GALP: variants seen among roughly 807,000 people sequenced by gnomAD.
GALP encodes the protein galanin like peptide, also known as galanin-like peptide.
In GALP, 12 loss-of-function variants were observed where a neutral mutation model predicts 15.2. The ratio of observed to expected loss-of-function variants is 0.79; its 90% confidence interval spans 0.51 to 1.28. The LOEUF (loss-of-function observed/expected upper bound fraction) is 1.28. Among genes scored for constraint, GALP ranks in the 50% most tolerant of loss-of-function variants. The probability of loss-of-function intolerance (pLI) is 0.00; values close to 1 mark genes in which losing one functional copy is unlikely to be tolerated. For missense variants in GALP, 161 were observed against 145.6 expected, an observed-to-expected ratio of 1.11 and a Z score of -0.55; for synonymous variants, 58 against 55.1, an observed-to-expected ratio of 1.05 and a Z score of -0.23.
In GALP at chr19:56,177,064, T is replaced by C. The variant is rs2032476042; in HGVS notation, c.-39-6T>C. The C allele has an allele frequency of 6.8e-7, 1 of 1,469,922 alleles. No homozygotes were observed. The highest frequency in any genetic ancestry group is 9.5e-7 in the Non-Finnish European group (1 of 1,058,198). 91.1% of individuals were successfully genotyped at this position (1,469,922 alleles called of 1,614,324 possible). The stretch of plus-strand genomic sequence containing the variant: ...CGGAAAATGACTGGCCGCTCTCTCC[T>C]TGCAGCGTGTTCCGCAGCTGTAGGC... On this transcript the variant is annotated splice_region_variant and splice_polypyrimidine_tract_variant and intron_variant, in intron 1 of 5. Coordinates refer to ENST00000357330, the MANE Select transcript of GALP (RefSeq NM_033106.4).
intron 4 of GALP, 123 bp from the exon 5 acceptor site, chr19:56,183,012 C>G: frequency 1.5e-6 from 1 of 688,826 alleles, no homozygotes; most frequent in Non-Finnish European, 2.6e-6. Context: ...CCTCCTCCCC[C>G]TGCTCCACCC....
chr19:56,176,629 G>C (rs2032465563), intron 1 of GALP, among the ~76,000 whole-genome samples: 1 of 136,720 alleles, frequency 7.3e-6, no homozygotes, highest in Non-Finnish European at 1.6e-5. Context: ...GCCTAGGCCA[G>C]GAGGGCAGAG....
At chr19:56,179,878 T>G (rs756171079) in intron 2 of GALP, among the ~76,000 whole-genome samples, 1 of 152,142 alleles carries the variant, frequency 6.6e-6, no homozygotes, top group South Asian at 2.1e-4. Flanking sequence ...CCCCGCTCAC[T>G]GCAATCTCCA....
At position 56,177,144 on chromosome 19, in the gene GALP, C is replaced by T. The variant is rs766406024; in HGVS notation, c.36C>T (p.Leu12=). ...CCTCCGTCCCCCTGGTCCTCCTCCT[C>T]GTCCTCTTGCTGAGCCTGGCAGAGA... The part of the protein sequence containing the change: ...APPSVPLVLL[L]VLLLSLAETP... Residue 12 remains leucine, a synonymous_variant, in exon 2 of 6, where the codon CTC becomes CTT. Transcript: ENST00000357330. 3.7e-6 allele frequency: 6 copies of T among 1,613,626 alleles called. No individual in the cohort carries two copies. Among genetic ancestry groups the T allele is most frequent in the Middle Eastern group, 1.7e-4 (1 of 6,060 alleles).
chr19:56,182,389 G>A (rs539686997), intron 4 of GALP, 137 bp downstream of exon 4: 80 of 610,278 alleles, frequency 1.3e-4, no homozygotes, highest in African/African-American at 8.8e-4. Context: ...CAAGTGATGC[G>A]TTTCCTTCAA....
intron 2 of GALP, among the ~76,000 whole-genome samples, chr19:56,178,366 G>A (rs2032501694): frequency 6.6e-6 from 1 of 151,876 alleles, no homozygotes; most frequent in Admixed American, 6.6e-5. Flanking sequence ...GGGAGGCTGA[G>A]GCATGAGAAT....
At chr19:56,182,510 C>T (rs543138838) in intron 4 of GALP, among the ~76,000 whole-genome samples, 1 of 152,286 alleles carries the variant, frequency 6.6e-6, no homozygotes, top group Non-Finnish European at 1.5e-5. Context: ...CTGCATCAGA[C>T]CTCACAGAAT....
Position 56,185,296 on chromosome 19 carries a change from C to T in GALP, c.*26C>T. ...ATGTCTTCAAATCCCTGTTCCTATC[C>T]TTCTTCTCCAGCTCCTCCTGCTCCC... is the stretch of plus-strand genomic sequence containing the variant. On this transcript the variant is annotated 3_prime_UTR_variant, in exon 6 of 6. Transcript: ENST00000357330. The T allele has an allele frequency of 6.8e-7, 1 of 1,480,562 alleles. No homozygotes were observed. The highest frequency in any genetic ancestry group is 1.2e-5 in the South Asian group (1 of 85,902). 91.7% of individuals were successfully genotyped at this position (1,480,562 alleles called of 1,614,324 possible). A position where few individuals can be genotyped will look rare whatever the true frequency, so the allele number is the denominator to read the frequency against.
intron 3 of GALP, among the ~76,000 whole-genome samples, chr19:56,180,879 C>T (rs1422268468): frequency 6.0e-5 from 9 of 149,708 alleles, no homozygotes; most frequent in East Asian, 2.0e-4. Flanking sequence ...CTCTCTCTCT[C>T]GCTCTCTCAC....
At chr19:56,183,728 G>T (rs1233539370) in intron 5 of GALP, among the ~76,000 whole-genome samples, 2 of 152,160 alleles carry the variant, frequency 1.3e-5, no homozygotes, top group Non-Finnish European at 2.9e-5. Context: ...CTCCCGAGTA[G>T]CTGGGATTAC....
intron 5 of GALP, 28 bp downstream of exon 5, chr19:56,183,240 C>A: frequency 1.3e-6 from 2 of 1,544,826 alleles, no homozygotes; most frequent in Non-Finnish European, 1.8e-6. Context: ...AGAAGAGAGA[C>A]ACCGACAGGA....
intron 1 of GALP, 128 bp downstream of exon 1, chr19:56,176,190 G>A (rs1186615344): frequency 5.7e-6 from 1 of 174,994 alleles, no homozygotes; most frequent in Non-Finnish European, 1.2e-5. Context: ...GAGGGCAGAG[G>A]GGCGGATGCC....
intron 5 of GALP, among the ~76,000 whole-genome samples, chr19:56,184,727 C>A (rs1394223927): frequency 6.6e-6 from 1 of 151,994 alleles, no homozygotes; most frequent in East Asian, 2.0e-4. Flanking sequence ...TCGTGATCTG[C>A]CTGCCTCGGC....
intron 5 of GALP, among the ~76,000 whole-genome samples, chr19:56,183,611 T>C (rs926558346): frequency 6.6e-6 from 1 of 152,148 alleles, no homozygotes; most frequent in Admixed American, 6.5e-5. Context: ...TTATTTATTT[T>C]TTGGGGATGA....
chr19:56,185,115 A>G, intron 5 of GALP, 100 bp from the exon 6 acceptor site: 3 of 765,188 alleles, frequency 3.9e-6, no homozygotes, highest in Non-Finnish European at 6.8e-6. Context: ...AGCCTGGCCA[A>G]CATGGTGAAA....
At position 56,183,161 on chromosome 19, in the gene GALP, C is replaced by G. The variant is rs1452165689; in HGVS notation, c.244C>G (p.Gln82Glu). 1 of 1,613,782 alleles carries G rather than the reference C, an allele frequency of 6.2e-7. No homozygotes were observed. The highest frequency in any genetic ancestry group is 8.5e-7 in the Non-Finnish European group (1 of 1,179,692). ...CGGGCTCCCCTACTCCCACCCTCCA[C>G]AGCCCTCCAAGAGGAATGTGATGGA... The part of the protein sequence containing the change: ...IDGLPYSHPP[Q>E]PSKRNVMETF... The change falls in exon 5 of 6, where the codon CAG becomes GAG. Residue 82 changes from glutamine to glutamate, a missense_variant. Gln to Glu is a conservative substitution (Grantham distance 29). Transcript: ENST00000357330.
In GALP at chr19:56,180,584, A is replaced by T. The variant is rs776385808; in HGVS notation, c.88-2A>T. 3 of 1,613,502 alleles carry T rather than the reference A, an allele frequency of 1.9e-6. No homozygotes were observed. Among genetic ancestry groups the T allele is most frequent in the Non-Finnish European group, 2.5e-6 (3 of 1,179,716 alleles). ...AGTCTTGATTTCTGCATCTCTATCCAGGGACGAGGAGGCTGGACCCTCAAT... is the reference window on the plus strand; with the variant it reads ...AGTCTTGATTTCTGCATCTCTATCCTGGGACGAGGAGGCTGGACCCTCAAT... On this transcript the variant is annotated splice_acceptor_variant, in intron 2 of 5. Coordinates refer to ENST00000357330, the MANE Select transcript of GALP (RefSeq NM_033106.4). LOFTEE classifies it high-confidence loss of function.
At chr19:56,179,486 A>T (rs58523524) in intron 2 of GALP, among the ~76,000 whole-genome samples, 1,712 of 149,852 alleles carry the variant, frequency 0.011, 37 homozygotes, top group African/African-American at 0.038. Flanking sequence ...ATATATATAT[A>T]TATTTTGTAT....
At chr19:56,178,121 G>A (rs975668355) in intron 2 of GALP, among the ~76,000 whole-genome samples, 2 of 151,112 alleles carry the variant, frequency 1.3e-5, no homozygotes, top group Admixed American at 6.6e-5. Context: ...ATTTCCACAC[G>A]TGTTGTGCAC....
Sources: gnomAD v4.1 joint callset for allele counts (sites outside exome capture counted in the v4.1 genomes callset) on GRCh38, gnomAD v4.1.1 for gene constraint, MANE v1.5 for transcripts, NCBI Gene and HGNC (gene_info 2026-07-23, HGNC 2026-07-21) for gene names.